RPTOR: variants seen among roughly 807,000 people sequenced by gnomAD.
The protein encoded by RPTOR is regulatory-associated protein of mTOR.
Under a neutral mutation model 169.9 loss-of-function variants are expected in RPTOR, and 21 were observed. The observed-to-expected ratio is 0.12, with a 90% confidence interval of 0.09 to 0.18. The LOEUF is 0.18. RPTOR is among the 10% of genes least tolerant of loss of function. The pLI is 1.00. For missense variants in RPTOR, 1,133 were observed against 1,855.9 expected, an observed-to-expected ratio of 0.61 and a Z score of 7.16; for synonymous variants, 732 against 753.2, an observed-to-expected ratio of 0.97 and a Z score of 0.46.
intron 3 of RPTOR, among the ~76,000 whole-genome samples, chr17:80,666,994 G>GTGGCACT (rs1274561839): frequency 1.3e-5 from 2 of 152,176 alleles, no homozygotes. Flanking sequence ...AATGCAGTAG[G>GTGGCACT]TGGCACTTGT....
At chr17:80,942,844 C>T (rs771696582) in intron 25 of RPTOR, among the ~76,000 whole-genome samples, 5 of 152,348 alleles carry the variant, frequency 3.3e-5, no homozygotes, top group African/African-American at 4.8e-5. Context: ...GATTTTCAAA[C>T]GTACCAAATG....
At chr17:80,905,728 G>A (rs990615247) in intron 20 of RPTOR, among the ~76,000 whole-genome samples, 3 of 152,126 alleles carry the variant, frequency 2.0e-5, no homozygotes, top group Admixed American at 6.5e-5. Context: ...CCGGGTGTCC[G>A]CGTCTGTGGC....
intron 3 of RPTOR, among the ~76,000 whole-genome samples, chr17:80,682,656 T>C (rs758745128): frequency 1.4e-4 from 21 of 152,250 alleles, no homozygotes; most frequent in Admixed American, 3.3e-4. Flanking sequence ...AGCGTGGCCC[T>C]GCTGACTTAG....
At chr17:80,647,826 G>T (rs8076763) in intron 3 of RPTOR, among the ~76,000 whole-genome samples, 96,191 of 151,328 alleles carry the variant, frequency 0.64, 30,981 homozygotes, top group African/African-American at 0.74. Context: ...TGTGGCGGCC[G>T]TGGGGCTTCC....
At position 80,874,428 on chromosome 17, in the gene RPTOR, C is replaced by T. The variant is rs181917234; in HGVS notation, c.1510-5987C>T. Among the ~76,000 whole-genome samples the T allele has an allele frequency of 2.8e-3, 421 of 152,260 alleles. 2 individuals carry two copies. The highest frequency in any genetic ancestry group is 0.01 in the African/African-American group (416 of 41,530). On this transcript the variant is annotated intron_variant, in intron 13 of 33. Coordinates refer to ENST00000306801, the MANE Select transcript of RPTOR (RefSeq NM_020761.3). The stretch of plus-strand genomic sequence containing the variant: ...GCCAGGATGGTCTCCGTCTCTTAAC[C>T]TCATGATCCACCCGCCTCGGCCTCC...
At chr17:80,693,936 C>T (rs1424910330) in intron 3 of RPTOR, among the ~76,000 whole-genome samples, 1 of 152,246 alleles carries the variant, frequency 6.6e-6, no homozygotes. Context: ...CAGCAGCTCA[C>T]ATCCTCTTGC....
At chr17:80,608,439 A>T (rs554039974) in intron 1 of RPTOR, among the ~76,000 whole-genome samples, 1 of 152,190 alleles carries the variant, frequency 6.6e-6, no homozygotes, top group Non-Finnish European at 1.5e-5. Flanking sequence ...TTTTCTAACA[A>T]TGTATACTCT....
At chr17:80,939,345 G>A (rs2068994449) in intron 24 of RPTOR, among the ~76,000 whole-genome samples, 1 of 152,208 alleles carries the variant, frequency 6.6e-6, no homozygotes, top group East Asian at 1.9e-4. Flanking sequence ...ACATGTGCGT[G>A]CACACACACA....
intron 28 of RPTOR, among the ~76,000 whole-genome samples, chr17:80,955,019 A>C (rs181713485): frequency 1.6e-4 from 25 of 152,366 alleles, no homozygotes; most frequent in Non-Finnish European, 3.2e-4. Context: ...TCACAGATCA[A>C]AGCATAAACT....
At chr17:80,751,142 C>T (rs529137137) in intron 5 of RPTOR, among the ~76,000 whole-genome samples, 10 of 152,192 alleles carry the variant, frequency 6.6e-5, no homozygotes, top group Non-Finnish European at 1.3e-4. Context: ...TCTGTACCAT[C>T]ACCGTGGTGC....
At chr17:80,714,533 C>T (rs1468194766) in intron 4 of RPTOR, among the ~76,000 whole-genome samples, 1 of 151,882 alleles carries the variant, frequency 6.6e-6, no homozygotes, top group Non-Finnish European at 1.5e-5. Context: ...GGAGAAGCCC[C>T]AGATACTTGG....
intron 24 of RPTOR, among the ~76,000 whole-genome samples, chr17:80,935,213 G>C (rs2068941194): frequency 6.6e-6 from 1 of 152,074 alleles, no homozygotes; most frequent in South Asian, 2.1e-4. Flanking sequence ...GAAATGAAAA[G>C]GTCTAAGTAA....
At chr17:80,896,553 ACACCCCACACAGCCG>A (rs2068407476) in intron 20 of RPTOR, among the ~76,000 whole-genome samples, 1 of 13,220 alleles carries the variant, frequency 7.6e-5, no homozygotes. Flanking sequence ...GGCCGCGCCG[ACACCCCACACAGCCG>A]CGCCGACACC....
rs1170248571 is a variant in RPTOR at position 80,726,713 on chromosome 17, G to A, written c.508-3847G>A. Among the ~76,000 whole-genome samples, 1 of 152,114 alleles carries A rather than the reference G, an allele frequency of 6.6e-6. No individual in the cohort carries two copies. Among genetic ancestry groups the A allele is most frequent in the East Asian group, 1.9e-4 (1 of 5,180 alleles). ...TAGGGTCAGGTGGCTGTAGGGTCAGGGCTGGGCAAGTTGTATTCAGATGCT... is the reference window on the plus strand; with the variant it reads ...TAGGGTCAGGTGGCTGTAGGGTCAGAGCTGGGCAAGTTGTATTCAGATGCT... On this transcript the variant is annotated intron_variant, in intron 4 of 33. Coordinates refer to ENST00000306801, the MANE Select transcript of RPTOR (RefSeq NM_020761.3). This position sits in a 1 kb window ranked among gnomAD's most constrained non-coding sequence, Gnocchi z 4.5.
At chr17:80,665,732 A>G (rs966021040) in intron 3 of RPTOR, among the ~76,000 whole-genome samples, 28 of 151,786 alleles carry the variant, frequency 1.8e-4, no homozygotes, top group African/African-American at 6.5e-4. Context: ...TTTTTAGTAG[A>G]GATGGGGTTT....
intron 5 of RPTOR, among the ~76,000 whole-genome samples, chr17:80,740,732 A>T (rs530542534): frequency 6.6e-6 from 1 of 152,170 alleles, no homozygotes; most frequent in Non-Finnish European, 1.5e-5. Context: ...CAAAAAAAAA[A>T]CTTTCAGTGA....
chr17:80,809,628 A>T (rs1209467091), intron 7 of RPTOR, among the ~76,000 whole-genome samples: 1 of 152,150 alleles, frequency 6.6e-6, no homozygotes. Context: ...TCTCTTGCCA[A>T]TTTTCAAATT....
At chr17:80,837,862 G>A (rs1271351580) in intron 9 of RPTOR, 60 bp from the exon 10 acceptor site, 2 of 1,501,732 alleles carry the variant, frequency 1.3e-6, no homozygotes, top group Non-Finnish European at 1.8e-6. Flanking sequence ...GCCCTGTGAA[G>A]TGGCCTCGTG....
chr17:80,932,572 G>A (rs970728254), intron 24 of RPTOR, among the ~76,000 whole-genome samples: 34 of 152,100 alleles, frequency 2.2e-4, no homozygotes, highest in African/African-American at 7.2e-4. Context: ...CTAAGAAAGA[G>A]TCAAGTGAAT....
Sources: allele counts gnomAD v4.1 joint callset (sites outside exome capture counted in the v4.1 genomes callset), GRCh38; gene constraint gnomAD v4.1.1; non-coding constraint Gnocchi (gnomAD v3.1); transcripts MANE v1.5; gene names NCBI Gene and HGNC (gene_info 2026-07-23, HGNC 2026-07-21).